The following GLIS3 variants were observed in gnomAD, a reference collection of about 807,000 sequenced individuals.
GLIS3 encodes the protein zinc finger protein GLIS3.
A neutral mutation model predicts 78.6 loss-of-function variants in GLIS3; 53 were observed. The ratio of observed to expected loss-of-function variants is 0.67; its 90% confidence interval spans 0.54 to 0.85. The LOEUF (loss-of-function observed/expected upper bound fraction) is 0.85. Ranked by LOEUF, GLIS3 falls within the 40% of genes least tolerant of loss-of-function variation. GLIS3 has a pLI of 0.00. For synonymous variants in GLIS3, 684 were observed against 509.9 expected (o/e 1.34, Z -4.60); for missense variants, 1,703 against 1,231.1 (o/e 1.38, Z -5.74).
intron 2 of GLIS3, chr9:4,144,826 T>C (rs1834085282): frequency 6.6e-6 from 1 of 152,202 alleles, no homozygotes; most frequent in Non-Finnish European, 1.5e-5. Flanking sequence ...AATGAGAACA[T>C]AACAAAACTT....
intron 4 of GLIS3, among the ~76,000 whole-genome samples, chr9:4,089,361 A>G (rs1416339402): frequency 2.0e-5 from 3 of 152,054 alleles, no homozygotes; most frequent in African/African-American, 4.8e-5. Context: ...TTTTTCCTTT[A>G]CAAACGTTTT....
the GLIS3 span, among the ~76,000 whole-genome samples, chr9:4,444,503 C>T: frequency 1.3e-5 from 2 of 151,798 alleles, no homozygotes; most frequent in Non-Finnish European, 2.9e-5. Flanking sequence ...ATCATTAAGC[C>T]AGACTTCTGT....
At chr9:4,283,757 C>G (rs1827757273) in intron 2 of GLIS3, among the ~76,000 whole-genome samples, 1 of 152,166 alleles carries the variant, frequency 6.6e-6, no homozygotes, top group South Asian at 2.1e-4. Flanking sequence ...CAGTTATTGG[C>G]TTAGTATAGG....
intron 4 of GLIS3, among the ~76,000 whole-genome samples, chr9:4,088,172 T>C (rs1402244468): frequency 6.6e-6 from 1 of 152,134 alleles, no homozygotes; most frequent in Non-Finnish European, 1.5e-5. Context: ...AGAAAGGAGA[T>C]GAAAAAAGAG....
At chr9:4,275,941 A>G (rs889600826) in intron 2 of GLIS3, among the ~76,000 whole-genome samples, 1 of 152,142 alleles carries the variant, frequency 6.6e-6, no homozygotes, top group South Asian at 2.1e-4. Flanking sequence ...TGTGAACTAC[A>G]AAGTACTGTA....
rs747618159 is a variant in GLIS3 at position 4,286,357 on chromosome 9, G to A, written c.69C>T (p.Val23=). The change falls in exon 2 of 11, where the codon GTC becomes GTT. Residue 23 remains valine (V), a synonymous_variant. Transcript: ENST00000381971. ...TSGTPQGPRM[V]SGHHIPAIRA... ...GGATGGCAGGAATGTGATGACCACT[G>A]ACCATCCTAGGCCCCTGTGGGGTTC... is the stretch of plus-strand genomic sequence containing the variant. The A allele has an allele frequency of 6.2e-7, 1 of 1,614,206 alleles. No homozygotes were observed. Among genetic ancestry groups the A allele is most frequent in the East Asian group, 2.2e-5 (1 of 44,888 alleles).
At chr9:4,233,392 T>A (rs1431915980) in intron 2 of GLIS3, among the ~76,000 whole-genome samples, 1 of 152,234 alleles carries the variant, frequency 6.6e-6, no homozygotes, top group Non-Finnish European at 1.5e-5. Flanking sequence ...GGATGTTGTG[T>A]TACCAATCAT....
At chr9:4,125,457 T>A (rs1832500263) in intron 3 of GLIS3, among the ~76,000 whole-genome samples, 1 of 152,198 alleles carries the variant, frequency 6.6e-6, no homozygotes, top group Admixed American at 6.5e-5. Flanking sequence ...CACACCGTGT[T>A]TCAGTCACTG....
chr9:4,177,506 G>C (rs1249557007), intron 2 of GLIS3, among the ~76,000 whole-genome samples: 1 of 152,180 alleles, frequency 6.6e-6, no homozygotes, highest in Non-Finnish European at 1.5e-5. Context: ...GCTGAAGCAA[G>C]ATACCCTCCC....
chr9:4,009,619 G>A (rs891436117), intron 4 of GLIS3, among the ~76,000 whole-genome samples: 4 of 152,214 alleles, frequency 2.6e-5, no homozygotes, highest in Non-Finnish European at 5.9e-5. Flanking sequence ...TGCTCCCCAA[G>A]ACTCTGTGTT....
chr9:3,969,922 T>A (rs567493243), intron 4 of GLIS3, among the ~76,000 whole-genome samples: 7 of 152,322 alleles, frequency 4.6e-5, no homozygotes, highest in Admixed American at 3.3e-4. Context: ...ATTCTGTTAT[T>A]TCCTGTTTCA....
At chr9:4,480,001 C>A in the GLIS3 span, among the ~76,000 whole-genome samples, 1 of 150,750 alleles carries the variant, frequency 6.6e-6, no homozygotes, top group African/African-American at 2.4e-5. Context: ...GTGATCCGCC[C>A]ACCTTGGCCT....
At chr9:3,922,035 G>T (rs1563852407) in intron 6 of GLIS3, among the ~76,000 whole-genome samples, 1 of 152,016 alleles carries the variant, frequency 6.6e-6, no homozygotes, top group African/African-American at 2.4e-5. Flanking sequence ...AAATTTTGGG[G>T]AAGTCATTTT....
chr9:4,029,737 T>C (rs1823664009), intron 4 of GLIS3, among the ~76,000 whole-genome samples: 1 of 152,142 alleles, frequency 6.6e-6, no homozygotes, highest in African/African-American at 2.4e-5. Context: ...TTATTTCACT[T>C]AGCATAATGG....
chr9:4,393,353 A>G, the GLIS3 span, among the ~76,000 whole-genome samples: 63 of 152,262 alleles, frequency 4.1e-4, no homozygotes, highest in South Asian at 0.012. Context: ...TTCAGCGTAT[A>G]TTTTACTTTT....
At chr9:4,254,515 G>A (rs932972201) in intron 2 of GLIS3, among the ~76,000 whole-genome samples, 7 of 152,136 alleles carry the variant, frequency 4.6e-5, no homozygotes, top group African/African-American at 1.7e-4. Flanking sequence ...ATCTGGAAGG[G>A]TTAGAAGAGC....
intron 1 of GLIS3, chr9:4,348,184 G>T (rs761830099): frequency 6.6e-6 from 1 of 152,180 alleles, no homozygotes; most frequent in Non-Finnish European, 1.5e-5. Context: ...AGGTTTGTCT[G>T]CATGTAAGAG....
intron 4 of GLIS3, among the ~76,000 whole-genome samples, chr9:3,995,875 T>C (rs913798349): frequency 1.3e-5 from 2 of 152,072 alleles, no homozygotes; most frequent in African/African-American, 4.8e-5. Flanking sequence ...AATACAGTGA[T>C]GGAGGAATGG....
chr9:4,254,577 C>T (rs754078826), intron 2 of GLIS3, among the ~76,000 whole-genome samples: 6 of 152,162 alleles, frequency 3.9e-5, no homozygotes, highest in South Asian at 4.1e-4. Flanking sequence ...CGGTGGCTCA[C>T]GTCTGTAATC....
Sources: gnomAD v4.1 joint callset for allele counts (sites outside exome capture counted in the v4.1 genomes callset) on GRCh38, gnomAD v4.1.1 for gene constraint, MANE v1.5 for transcripts, NCBI Gene and HGNC (gene_info 2026-07-23, HGNC 2026-07-21) for gene names.